NEDD4: variants seen among roughly 807,000 people sequenced by gnomAD.
NEDD4 encodes E3 ubiquitin-protein ligase NEDD4.
Under a neutral mutation model 144.9 loss-of-function variants are expected in NEDD4, and 99 were observed. The observed-to-expected ratio is 0.68, with a 90% confidence interval of 0.58 to 0.81. NEDD4 has a LOEUF of 0.81. NEDD4 is among the 30% of genes least tolerant of loss of function. The pLI is 0.00. For missense variants in NEDD4, 985 were observed against 1,065.9 expected (o/e 0.92, Z 1.06); for synonymous variants, 318 against 350.6 (o/e 0.91, Z 1.04).
intron 1 of NEDD4, among the ~76,000 whole-genome samples, chr15:55,988,503 A>AAAAAAAAAAAAG (rs1566980054): frequency 6.8e-6 from 1 of 147,802 alleles, no homozygotes; most frequent in Non-Finnish European, 1.5e-5. Flanking sequence ...AAAAAAAAAA[A>AAAAAAAAAAAAG]AAAGAAAAAC....
intron 2 of NEDD4, among the ~76,000 whole-genome samples, chr15:55,957,629 C>A (rs935728653): frequency 7.9e-5 from 12 of 152,268 alleles, no homozygotes; most frequent in African/African-American, 2.9e-4. Context: ...TGGGTATATA[C>A]CCAAAGGATT....
At chr15:55,991,724 C>T (rs2037991095) in intron 1 of NEDD4, among the ~76,000 whole-genome samples, 2 of 152,234 alleles carry the variant, frequency 1.3e-5, no homozygotes, top group South Asian at 4.1e-4. Flanking sequence ...AATCCTTCAG[C>T]AAGTTCAGGA....
intron 2 of NEDD4, among the ~76,000 whole-genome samples, chr15:55,956,447 C>T (rs1295963039): frequency 6.6e-6 from 1 of 152,062 alleles, no homozygotes; most frequent in African/African-American, 2.4e-5. Context: ...TTAGCTCATA[C>T]TAATTTTCTG....
intron 1 of NEDD4, among the ~76,000 whole-genome samples, chr15:55,969,326 C>G (rs2037569510): frequency 6.6e-6 from 1 of 152,202 alleles, no homozygotes; most frequent in Admixed American, 6.5e-5. Flanking sequence ...TAAAGCACTC[C>G]AAGATCCTAA....
chr15:55,956,864 T>C (rs1462083293), intron 2 of NEDD4, among the ~76,000 whole-genome samples: 1 of 152,170 alleles, frequency 6.6e-6, no homozygotes, highest in Non-Finnish European at 1.5e-5. Flanking sequence ...TTTATTGGGA[T>C]TGTGCCAAAT....
intron 1 of NEDD4, among the ~76,000 whole-genome samples, chr15:55,984,103 A>T (rs1182590045): frequency 6.6e-6 from 1 of 152,208 alleles, no homozygotes; most frequent in Non-Finnish European, 1.5e-5. Flanking sequence ...TTAAGCAAAT[A>T]CAGAAATCAA....
chr15:55,848,893 T>G lies in NEDD4; in HGVS notation c.1348-7A>C, dbSNP rs746769078. The stretch of plus-strand genomic sequence containing the variant: ...TTTTCAATCTTGGATCTTCCTTTTT[T>G]GGTAGAGTAAATAAAGAACAATACA... On this transcript the variant is annotated splice_polypyrimidine_tract_variant and splice_region_variant and intron_variant, in intron 14 of 28. Coordinates refer to ENST00000435532, the MANE Select transcript of NEDD4 (RefSeq NM_006154.4). 1.2e-6 allele frequency: 2 copies of G among 1,610,876 alleles called. No individual in the cohort carries two copies. The highest frequency in any genetic ancestry group is 1.7e-6 in the Non-Finnish European group (2 of 1,177,254).
chr15:55,877,327 A>C (rs1196052088), intron 5 of NEDD4, among the ~76,000 whole-genome samples: 2 of 152,192 alleles, frequency 1.3e-5, no homozygotes, highest in Non-Finnish European at 2.9e-5. Flanking sequence ...AGTACTGACT[A>C]GTCATAGAAC....
chr15:55,924,216 T>A (rs2036621236), intron 5 of NEDD4: 1 of 157,256 alleles, frequency 6.4e-6, no homozygotes, highest in Admixed American at 6.3e-5. Context: ...AGAGTGGGGA[T>A]GAGAGAGTGG....
In NEDD4 at chr15:55,903,602, A is replaced by G. The variant is rs2035982018; in HGVS notation, c.291+21044T>C. 1.3e-5 allele frequency among the ~76,000 whole-genome samples: 2 copies of G among 151,990 alleles called. 1 individual carries two copies. Among genetic ancestry groups the G allele is most frequent in the South Asian group, 4.2e-4 (2 of 4,812 alleles). The stretch of plus-strand genomic sequence containing the variant: ...CACTTTGGGAGGCCGAGGTGGGTGG[A>G]TCACGAGGTCAGGAGATCGAGACCA... On this transcript the variant is annotated intron_variant, in intron 5 of 28. Coordinates refer to ENST00000435532, the MANE Select transcript of NEDD4 (RefSeq NM_006154.4).
intron 24 of NEDD4, among the ~76,000 whole-genome samples, chr15:55,835,369 T>A (rs1341901783): frequency 2.0e-5 from 3 of 152,186 alleles, no homozygotes; most frequent in Non-Finnish European, 2.9e-5. Context: ...TCTTGATACC[T>A]TTTTGTCTGC....
chr15:55,898,304 A>C (rs1380288937), intron 5 of NEDD4, among the ~76,000 whole-genome samples: 1 of 152,264 alleles, frequency 6.6e-6, no homozygotes, highest in Non-Finnish European at 1.5e-5. Flanking sequence ...TTTCAAAGGT[A>C]AATGAATCTA....
intron 10 of NEDD4, 31 bp downstream of exon 10, chr15:55,860,630 C>G (rs1411291362): frequency 1.2e-6 from 2 of 1,613,222 alleles, no homozygotes; most frequent in East Asian, 4.5e-5. Context: ...TAGCATGTGT[C>G]TTTCAAGGAG....
intron 5 of NEDD4, among the ~76,000 whole-genome samples, chr15:55,884,276 A>G (rs1336357541): frequency 6.6e-6 from 1 of 152,192 alleles, no homozygotes; most frequent in African/African-American, 2.4e-5. Context: ...AACTCAGATC[A>G]CAACAACCAG....
chr15:55,923,422 C>T (rs565739274), intron 5 of NEDD4, among the ~76,000 whole-genome samples: 33 of 151,348 alleles, frequency 2.2e-4, no homozygotes, highest in Admixed American at 3.3e-4. Context: ...CAGAGGCAGG[C>T]GGATCACGAG....
chr15:55,866,435 ACTGT>A (rs1368119026), intron 8 of NEDD4, among the ~76,000 whole-genome samples: 2 of 151,848 alleles, frequency 1.3e-5, no homozygotes, highest in Non-Finnish European at 2.9e-5. Flanking sequence ...ATTGAATCAG[ACTGT>A]ATGTTTCTGG....
intron 1 of NEDD4, among the ~76,000 whole-genome samples, chr15:55,991,138 G>A (rs553121145): frequency 6.6e-6 from 1 of 152,190 alleles, no homozygotes; most frequent in South Asian, 2.1e-4. Flanking sequence ...CCCTGTTTTA[G>A]TTTCAAATTT....
chr15:55,933,331 T>C (rs1247713031), intron 4 of NEDD4, among the ~76,000 whole-genome samples: 2 of 151,958 alleles, frequency 1.3e-5, no homozygotes, highest in Admixed American at 1.3e-4. Context: ...AGATATACAC[T>C]GTGGAATACT....
intron 5 of NEDD4, among the ~76,000 whole-genome samples, chr15:55,918,560 T>G (rs1237573562): frequency 6.7e-6 from 1 of 149,482 alleles, no homozygotes; most frequent in South Asian, 2.1e-4. Flanking sequence ...AAAGCAAATA[T>G]GTAAAACATA....
Sources: gnomAD v4.1 joint callset for allele counts (sites outside exome capture counted in the v4.1 genomes callset) on GRCh38, gnomAD v4.1.1 for gene constraint, MANE v1.5 for transcripts, NCBI Gene and HGNC (gene_info 2026-07-23, HGNC 2026-07-21) for gene names.